Variants in PTPRD observed in about 807,000 individuals in gnomAD.
PTPRD encodes the protein protein tyrosine phosphatase receptor type D, also known as receptor-type tyrosine-protein phosphatase delta.
Under a neutral mutation model 214.5 loss-of-function variants are expected in PTPRD, and 34 were observed. That is an observed-to-expected ratio of 0.16 (90% CI 0.12 to 0.21). The LOEUF (loss-of-function observed/expected upper bound fraction) is 0.21. Among genes scored for constraint, PTPRD ranks in the 10% least tolerant of loss-of-function variants. The pLI is 1.00. For missense variants in PTPRD, 2,545 were observed against 2,398.7 expected (o/e 1.06, Z -1.27); for synonymous variants, 1,128 against 845.7 (o/e 1.33, Z -5.79).
chr9:8,375,902 G>T, intron 39 of PTPRD, 34 bp downstream of exon 39: 1 of 1,593,416 alleles, frequency 6.3e-7, no homozygotes, highest in South Asian at 1.1e-5. Context: ...TTAGCTTTCT[G>T]TTTCCTGACT....
intron 5 of PTPRD, among the ~76,000 whole-genome samples, chr9:9,817,126 A>G (rs1435600162): frequency 4.6e-5 from 7 of 152,160 alleles, no homozygotes; most frequent in African/African-American, 1.7e-4. Context: ...AGGCTGGCTC[A>G]AAAATGAATC....
intron 11 of PTPRD, among the ~76,000 whole-genome samples, chr9:8,912,630 A>T (rs2098755995): frequency 6.6e-6 from 1 of 152,208 alleles, no homozygotes; most frequent in Non-Finnish European, 1.5e-5. Context: ...TGGTATGTGA[A>T]TTATACCCCT....
At chr9:10,154,115 T>G (rs1343180080) in intron 3 of PTPRD, among the ~76,000 whole-genome samples, 2 of 152,060 alleles carry the variant, frequency 1.3e-5, no homozygotes, top group African/African-American at 4.8e-5. Flanking sequence ...ACTTTTTTAC[T>G]GCAACTTCAC....
At chr9:9,405,862 G>C (rs1399518940) in intron 8 of PTPRD, among the ~76,000 whole-genome samples, 1 of 151,690 alleles carries the variant, frequency 6.6e-6, no homozygotes, top group Admixed American at 6.6e-5. Flanking sequence ...TTGTCCTTTG[G>C]CTTTTCTCTT....
chr9:10,096,834 T>G (rs1386693842), intron 3 of PTPRD, among the ~76,000 whole-genome samples: 4 of 152,058 alleles, frequency 2.6e-5, no homozygotes, highest in African/African-American at 9.6e-5. Flanking sequence ...TCCTGAATGG[T>G]AATGCCTAGG....
At chr9:9,792,115 A>G (rs1436815227) in intron 5 of PTPRD, among the ~76,000 whole-genome samples, 1 of 35,480 alleles carries the variant, frequency 2.8e-5, no homozygotes, top group African/African-American at 3.6e-4. Flanking sequence ...AGATTTTCTG[A>G]CACTTTTTAA....
At chr9:9,244,048 A>G (rs538423305) in intron 9 of PTPRD, among the ~76,000 whole-genome samples, 15 of 152,316 alleles carry the variant, frequency 9.8e-5, no homozygotes, top group African/African-American at 3.6e-4. Context: ...TGCTTCAAAG[A>G]GAATAAAATA....
At chr9:10,452,790 A>T (rs1168786093) in intron 2 of PTPRD, among the ~76,000 whole-genome samples, 1 of 151,692 alleles carries the variant, frequency 6.6e-6, no homozygotes, top group Non-Finnish European at 1.5e-5. Context: ...CTTTTCATCT[A>T]TGAGTTGTTT....
At chr9:9,898,519 A>C (rs1370135737) in intron 5 of PTPRD, among the ~76,000 whole-genome samples, 1 of 152,124 alleles carries the variant, frequency 6.6e-6, no homozygotes, top group Non-Finnish European at 1.5e-5. Context: ...ATGTGATTTC[A>C]TATGAAGCTC....
intron 44 of PTPRD, 69 bp downstream of exon 44, chr9:8,331,513 A>C: frequency 6.4e-7 from 1 of 1,550,526 alleles, no homozygotes; most frequent in East Asian, 2.4e-5. Context: ...AACTTACTAC[A>C]AAAAGTGTAT....
intron 3 of PTPRD, among the ~76,000 whole-genome samples, chr9:10,078,031 G>A (rs2098163476): frequency 6.6e-6 from 1 of 151,674 alleles, no homozygotes; most frequent in African/African-American, 2.4e-5. Flanking sequence ...ATTTTGATTG[G>A]AATGAATTAT....
At chr9:9,260,725 G>A (rs1434892651) in intron 9 of PTPRD, among the ~76,000 whole-genome samples, 1 of 151,826 alleles carries the variant, frequency 6.6e-6, no homozygotes. Flanking sequence ...TCAATTAATA[G>A]AATAGAATAG....
intron 10 of PTPRD, among the ~76,000 whole-genome samples, chr9:9,029,262 G>C (rs10759029): frequency 6.6e-6 from 1 of 151,738 alleles, no homozygotes; most frequent in Non-Finnish European, 1.5e-5. Context: ...CTATTGGACA[G>C]TGTCAAGCTA....
chr9:10,372,609 T>C (rs2097648993), intron 2 of PTPRD, among the ~76,000 whole-genome samples: 1 of 152,042 alleles, frequency 6.6e-6, no homozygotes, highest in South Asian at 2.1e-4. Context: ...TACTCTAAAC[T>C]TTTACATATT....
intron 9 of PTPRD, among the ~76,000 whole-genome samples, chr9:9,351,545 A>T (rs2051145648): frequency 6.6e-6 from 1 of 152,050 alleles, no homozygotes; most frequent in Admixed American, 6.6e-5. Flanking sequence ...GGGCTTTATT[A>T]ATCAGGGAGG....
At chr9:9,168,822 G>C (rs1466525981) in intron 10 of PTPRD, among the ~76,000 whole-genome samples, 2 of 151,888 alleles carry the variant, frequency 1.3e-5, no homozygotes, top group Non-Finnish European at 2.9e-5. Flanking sequence ...ATTTGAATAA[G>C]ACCTTAAATC....
chr9:8,325,999 A>G (rs1479738590), intron 44 of PTPRD, among the ~76,000 whole-genome samples: 1 of 152,196 alleles, frequency 6.6e-6, no homozygotes, highest in African/African-American at 2.4e-5. Context: ...TAAATATACA[A>G]TGTTGTCATG....
chr9:9,568,603 T>C (rs1049751314), intron 8 of PTPRD, among the ~76,000 whole-genome samples: 32 of 151,936 alleles, frequency 2.1e-4, no homozygotes, highest in Admixed American at 5.9e-4. Flanking sequence ...ACTCACTGAG[T>C]CATACATGTA....
At chr9:8,901,547 C>A (rs1224165254) in intron 11 of PTPRD, among the ~76,000 whole-genome samples, 1 of 152,118 alleles carries the variant, frequency 6.6e-6, no homozygotes, top group Non-Finnish European at 1.5e-5. Context: ...GCAAAATGCT[C>A]CATGAAGTTT....
Sources: allele counts gnomAD v4.1 joint callset (sites outside exome capture counted in the v4.1 genomes callset), GRCh38; gene constraint gnomAD v4.1.1; transcripts MANE v1.5; gene names NCBI Gene and HGNC (gene_info 2026-07-23, HGNC 2026-07-21).